Variants in FLT1 observed in about 807,000 individuals in gnomAD.
The protein encoded by FLT1 is fms related receptor tyrosine kinase 1.
A neutral mutation model predicts 156.3 loss-of-function variants in FLT1; 49 were observed. That is an observed-to-expected ratio of 0.31 (90% CI 0.25 to 0.40). The LOEUF is 0.40. Ranked by LOEUF, FLT1 falls within the 10% of genes least tolerant of loss-of-function variation. FLT1 has a pLI of 1.00. For missense variants in FLT1, 1,322 were observed against 1,637.2 expected, an observed-to-expected ratio of 0.81 and a Z score of 3.32; for synonymous variants, 594 against 583.8, an observed-to-expected ratio of 1.02 and a Z score of -0.25.
At chr13:28,344,159 A>G (rs1230771760) in intron 16 of FLT1, among the ~76,000 whole-genome samples, 1 of 151,822 alleles carries the variant, frequency 6.6e-6, no homozygotes, top group African/African-American at 2.4e-5. Context: ...TAGAATACGG[A>G]CCAAATTCCT....
chr13:28,467,251 T>C, intron 2 of FLT1, 122 bp from the exon 3 acceptor site: 1 of 803,910 alleles, frequency 1.2e-6, no homozygotes, highest in South Asian at 1.4e-5. Context: ...CATCTTCCTC[T>C]TTACGGGAAA....
intron 27 of FLT1, 97 bp from the exon 28 acceptor site, chr13:28,309,024 C>G: frequency 1.4e-6 from 1 of 732,674 alleles, no homozygotes; most frequent in Non-Finnish European, 2.5e-6. Context: ...TAAGATGAAC[C>G]AACACACCAA....
At chr13:28,474,033 C>A (rs1376036280) in intron 1 of FLT1, among the ~76,000 whole-genome samples, 1 of 152,124 alleles carries the variant, frequency 6.6e-6, no homozygotes, top group Non-Finnish European at 1.5e-5. Flanking sequence ...AAGGAGAAAG[C>A]AGCTATTTGC....
chr13:28,472,123 T>C (rs895403894), intron 1 of FLT1, among the ~76,000 whole-genome samples: 1 of 152,232 alleles, frequency 6.6e-6, no homozygotes, highest in African/African-American at 2.4e-5. Flanking sequence ...TTATGACTCT[T>C]TGACACAAAT....
In FLT1 at chr13:28,461,187, A is replaced by G. The variant is rs139823798; in HGVS notation, c.388+5716T>C. Reference sequence around the variant, plus strand: ...ACCCATTCATTTGATTCCATAGCCCATTAATGAATTTGGAGGCACATTTTT... The same window carrying G: ...ACCCATTCATTTGATTCCATAGCCCGTTAATGAATTTGGAGGCACATTTTT... On this transcript the variant is annotated intron_variant, in intron 3 of 29. Transcript: ENST00000282397. 4.0e-3 allele frequency among the ~76,000 whole-genome samples: 615 copies of G among 151,896 alleles called. 1 individual carries two copies. The highest frequency in any genetic ancestry group is 6.8e-3 in the Middle Eastern group (2 of 294).
intron 1 of FLT1, among the ~76,000 whole-genome samples, chr13:28,475,385 C>T (rs900504306): frequency 6.6e-6 from 1 of 152,146 alleles, no homozygotes; most frequent in Non-Finnish European, 1.5e-5. Context: ...TTCAGTAGTA[C>T]ATAATCCTGA....
chr13:28,365,437 C>T (rs1364907911), intron 14 of FLT1, among the ~76,000 whole-genome samples: 4 of 152,024 alleles, frequency 2.6e-5, no homozygotes, highest in African/African-American at 9.7e-5. Context: ...ACTGCAACCT[C>T]TGCTCCCGGA....
At chr13:28,459,985 G>A (rs559482203) in intron 3 of FLT1, among the ~76,000 whole-genome samples, 2 of 152,362 alleles carry the variant, frequency 1.3e-5, no homozygotes, top group Admixed American at 6.5e-5. Context: ...GAGGCGGCAA[G>A]GCTCGGCGAT....
chr13:28,318,033 A>C (rs1163189798), intron 24 of FLT1, among the ~76,000 whole-genome samples: 1 of 151,924 alleles, frequency 6.6e-6, no homozygotes, highest in Non-Finnish European at 1.5e-5. Flanking sequence ...ATCTTAGCTC[A>C]CTGCAGCCTC....
At chr13:28,450,963 C>A (rs967455240) in intron 3 of FLT1, among the ~76,000 whole-genome samples, 1 of 152,138 alleles carries the variant, frequency 6.6e-6, no homozygotes, top group Non-Finnish European at 1.5e-5. Flanking sequence ...GAAATGAGGG[C>A]CCAGAAACAG....
Position 28,327,501 on chromosome 13 carries a change from G to C in FLT1, c.2757C>G (p.Asn919Lys). The C allele has an allele frequency of 6.2e-7, 1 of 1,613,664 alleles. No homozygotes were observed. Among genetic ancestry groups the C allele is most frequent in the Non-Finnish European group, 8.5e-7 (1 of 1,179,570 alleles). ...VEYCKYGNLS[N>K]YLKSKRDLFF... ...ATAAGTCACGTTTGCTCTTGAGGTA[G>C]TTGGAGAGATTTCCATATTTGCAGT... is the stretch of plus-strand genomic sequence containing the variant. Residue 919 changes from asparagine (N) to lysine (K), a missense_variant, in exon 20 of 30, where the codon AAC (asparagine) becomes AAG (lysine). Asn to Lys is a moderately conservative substitution (Grantham distance 94). This residue lies in a region of FLT1 where 991 missense variants were observed against 1,254.8 expected (regional missense o/e 0.79). Transcript: ENST00000282397.
intron 14 of FLT1, among the ~76,000 whole-genome samples, chr13:28,361,811 A>G (rs1369306396): frequency 2.6e-5 from 4 of 152,266 alleles, no homozygotes; most frequent in Admixed American, 6.5e-5. Flanking sequence ...TGTTTTGAGT[A>G]GGTGACTGGA....
At position 28,329,657 on chromosome 13, in the gene FLT1, G is replaced by A. The variant is rs770140431; in HGVS notation, c.2665C>T (p.Leu889=). ...GCTCCCAGCAGGTTAACCACGTTCAGATGGTGGCCAATGTGGGTCAAGATT... is the reference window on the plus strand; with the variant it reads ...GCTCCCAGCAGGTTAACCACGTTCAAATGGTGGCCAATGTGGGTCAAGATT... The part of the protein sequence containing the change: ...LKILTHIGHH[L]NVVNLLGACT... The change falls in exon 19 of 30, where the codon CTG becomes TTG. Residue 889 remains leucine (L), a synonymous_variant. Transcript: ENST00000282397. 1 of 1,614,114 alleles carries A rather than the reference G, an allele frequency of 6.2e-7. No individual in the cohort carries two copies. The highest frequency in any genetic ancestry group is 8.5e-7 in the Non-Finnish European group (1 of 1,180,042).
At chr13:28,326,525 T>C (rs1365331712) in intron 20 of FLT1, among the ~76,000 whole-genome samples, 5 of 116,104 alleles carry the variant, frequency 4.3e-5, no homozygotes, top group African/African-American at 1.5e-4. Flanking sequence ...TCTCTCTTTT[T>C]TTTTTTTTTT....
intron 14 of FLT1, among the ~76,000 whole-genome samples, chr13:28,367,011 G>A (rs1334399415): frequency 6.6e-6 from 1 of 152,190 alleles, no homozygotes; most frequent in African/African-American, 2.4e-5. Context: ...CATAAATGAA[G>A]ACAATGGAAA....
At chr13:28,397,138 G>T in intron 11 of FLT1, 70 bp from the exon 12 acceptor site, 1 of 885,538 alleles carries the variant, frequency 1.1e-6, no homozygotes. Context: ...AGCTACTTCT[G>T]AGGTTGAAAT....
intron 3 of FLT1, among the ~76,000 whole-genome samples, chr13:28,448,974 A>G (rs1401118350): frequency 6.6e-6 from 1 of 152,160 alleles, no homozygotes; most frequent in Non-Finnish European, 1.5e-5. Flanking sequence ...TGATAGAACC[A>G]TCATGATTTA....
chr13:28,419,275 T>G (rs1354077005), intron 10 of FLT1, among the ~76,000 whole-genome samples: 1 of 152,188 alleles, frequency 6.6e-6, no homozygotes, highest in African/African-American at 2.4e-5. Context: ...TAAAGTCACA[T>G]AGATACCATA....
chr13:28,321,483 C>T lies in FLT1; in HGVS notation c.3154G>A (p.Asp1052Asn), dbSNP rs374177896. 4.3e-6 allele frequency: 7 copies of T among 1,613,956 alleles called. No individual in the cohort carries two copies. The East Asian group carries it at 6.7e-5, about 15-fold the overall frequency. The change falls in exon 23 of 30, where the codon GAT (aspartate) becomes AAT (asparagine). Residue 1052 changes from aspartate to asparagine, a missense_variant. Physicochemically the swap from Asp to Asn is conservative, Grantham distance 23. Coordinates refer to ENST00000282397, the MANE Select transcript of FLT1 (RefSeq NM_002019.4). Reference sequence around the variant, plus strand: ...CTTACATCTCCTTTTCTCACATAATCGGGGTTCTTATAAATATCCCGGGCA... The same window carrying T: ...CTTACATCTCCTTTTCTCACATAATTGGGGTTCTTATAAATATCCCGGGCA... ...GLARDIYKNP[D>N]YVRKGDTRLP...
Sources: gnomAD v4.1 joint callset for allele counts (sites outside exome capture counted in the v4.1 genomes callset) on GRCh38, gnomAD v4.1.1 for gene constraint, gnomAD v4.1.1 regional missense constraint, MANE v1.5 for transcripts, NCBI Gene and HGNC (gene_info 2026-07-23, HGNC 2026-07-21) for gene names.